Variants in PI4KA observed in about 807,000 individuals in gnomAD.
PI4KA encodes PI4-kinase alpha.
A neutral mutation model predicts 271.4 loss-of-function variants in PI4KA; 122 were observed. That is an observed-to-expected ratio of 0.45 (90% CI 0.39 to 0.52). The LOEUF (loss-of-function observed/expected upper bound fraction) is 0.52. Ranked by LOEUF, PI4KA falls within the 20% of genes least tolerant of loss-of-function variation. PI4KA has a pLI of 0.00. For missense variants in PI4KA, 1,969 were observed against 2,769.1 expected (o/e 0.71, Z 6.48); for synonymous variants, 1,041 against 1,078.8 (o/e 0.96, Z 0.69).
At chr22:20,774,680 A>C (rs1455078963) in intron 19 of PI4KA, among the ~76,000 whole-genome samples, 2 of 151,614 alleles carry the variant, frequency 1.3e-5, no homozygotes, top group Non-Finnish European at 2.9e-5. Context: ...AGAATCGCTT[A>C]AACCCGGGAG....
intron 47 of PI4KA, among the ~76,000 whole-genome samples, 188 bp from the exon 48 acceptor site, chr22:20,713,578 A>C (rs1441489118): frequency 2.0e-5 from 3 of 152,232 alleles, no homozygotes; most frequent in Non-Finnish European, 4.4e-5. Flanking sequence ...CAGCAGGTGG[A>C]ATCCAGGGTT....
rs1327056168 is a variant in PI4KA, at chr22:20,799,234, T to C, written c.1863A>G (p.Gly621=). ...TGTCCCTCAAGGCCACCGCAATGTG[T>C]CCCAAGGCTCGGATTGTGTGGTCGG... ...LIPDHTIRAL[G]HIAVALRDTP... Residue 621 remains glycine, a synonymous_variant, in exon 16 of 55, where the codon GGA becomes GGG. Transcript: ENST00000255882. 2.6e-6 allele frequency: 4 copies of C among 1,551,014 alleles called. No homozygotes were observed. Among genetic ancestry groups the C allele is most frequent in the Non-Finnish European group, 3.5e-6 (4 of 1,149,636 alleles).
intron 19 of PI4KA, chr22:20,779,658 C>G: frequency 6.2e-7 from 1 of 1,614,040 alleles, no homozygotes; most frequent in South Asian, 1.1e-5. Flanking sequence ...CATCCTCCAG[C>G]TTTTTCATGG....
chr22:20,832,939 G>A (rs1488092380), intron 3 of PI4KA, among the ~76,000 whole-genome samples: 1 of 152,216 alleles, frequency 6.6e-6, no homozygotes, highest in Non-Finnish European at 1.5e-5. Context: ...AACTAGTGCA[G>A]TCAACTTAGC....
chr22:20,780,791 A>AC (rs361972), intron 19 of PI4KA, among the ~76,000 whole-genome samples: 3 of 151,120 alleles, frequency 2.0e-5, no homozygotes, highest in Non-Finnish European at 4.4e-5. Context: ...AAAAAAAAAA[A>AC]GAAGTAAAAC....
intron 32 of PI4KA, among the ~76,000 whole-genome samples, chr22:20,739,084 G>A (rs553665437): frequency 8.2e-5 from 12 of 146,244 alleles, no homozygotes; most frequent in Admixed American, 6.8e-4. Context: ...AGTGGCTCAC[G>A]CCTAAAATCC....
intron 23 of PI4KA, among the ~76,000 whole-genome samples, chr22:20,755,818 GAA>G (rs1165775640): frequency 6.8e-6 from 1 of 147,874 alleles, no homozygotes; most frequent in African/African-American, 2.5e-5. Flanking sequence ...AAAAAAAAAA[GAA>G]AAGAAAAAGA....
chr22:20,809,529 T>C (rs1330991407), intron 9 of PI4KA, among the ~76,000 whole-genome samples: 1 of 151,910 alleles, frequency 6.6e-6, no homozygotes, highest in Non-Finnish European at 1.5e-5. Flanking sequence ...CCTGGTTCAA[T>C]GAGAAGGAGG....
In PI4KA at chr22:20,827,787, A is replaced by G. The variant is rs574784225; in HGVS notation, c.368-3373T>C. ...TCACCTCCCTGGTTAGCTGTATTCC[A>G]AGGTATTTTATCTTTTCTTTTTTTT... On this transcript the variant is annotated intron_variant, in intron 3 of 54. Transcript: ENST00000255882. Among the ~76,000 whole-genome samples, 4 of 152,052 alleles carry G rather than the reference A, an allele frequency of 2.6e-5. No individual in the cohort carries two copies. In the East Asian group the frequency reaches 7.7e-4, roughly 29 times the overall value.
At chr22:20,850,529 C>T (rs965271835) in intron 1 of PI4KA, among the ~76,000 whole-genome samples, 32 of 151,954 alleles carry the variant, frequency 2.1e-4, no homozygotes, top group Middle Eastern at 6.8e-3. Flanking sequence ...CTGCAAGCTC[C>T]GCCTCCCAGG....
intron 32 of PI4KA, among the ~76,000 whole-genome samples, chr22:20,735,354 C>T (rs567357578): frequency 1.3e-5 from 2 of 150,254 alleles, no homozygotes; most frequent in South Asian, 2.1e-4. Context: ...GCTCCAAGCG[C>T]CTGTGCAGAG....
chr22:20,818,640 T>C (rs1392718932), intron 6 of PI4KA, 91 bp from the exon 7 acceptor site: 3 of 928,818 alleles, frequency 3.2e-6, no homozygotes, highest in South Asian at 4.0e-5. Flanking sequence ...GCCAGCCCAA[T>C]GTTTGTACTT....
chr22:20,747,360 A>AT lies in PI4KA; in HGVS notation c.3363+222dup, dbSNP rs1248577105. ...AGCACTGATCCCCATAAATCCATAA[A>AT]TTTAAAAAAAAAAAAGCACAATAAG... is the stretch of plus-strand genomic sequence containing the variant. On this transcript the variant is annotated intron_variant, in intron 29 of 54. Transcript: ENST00000255882. 1.2e-3 allele frequency: 533 copies of AT among 446,422 alleles called. 2 individuals are homozygous for AT. Among genetic ancestry groups the AT allele is most frequent in the African/African-American group, 9.9e-3 (487 of 49,362 alleles). 27.7% of individuals were successfully genotyped at this position (446,422 alleles called of 1,614,324 possible).
intron 26 of PI4KA, 67 bp downstream of exon 26, chr22:20,751,607 G>C: frequency 7.6e-7 from 1 of 1,320,738 alleles, no homozygotes; most frequent in Non-Finnish European, 1.1e-6. Flanking sequence ...ACACAGGGCG[G>C]ACAGGGCCGG....
chr22:20,785,636 G>A (rs966770082), intron 19 of PI4KA, among the ~76,000 whole-genome samples: 2 of 151,842 alleles, frequency 1.3e-5, no homozygotes, highest in Non-Finnish European at 1.5e-5. Context: ...CCAGATATTC[G>A]ACTCCTTAAT....
At chr22:20,816,076 A>T (rs895781422) in intron 7 of PI4KA, among the ~76,000 whole-genome samples, 2 of 151,742 alleles carry the variant, frequency 1.3e-5, no homozygotes, top group Non-Finnish European at 2.9e-5. Context: ...AGTAGCTGGG[A>T]TTATAGGTGT....
At chr22:20,798,870 T>G in intron 16 of PI4KA, 183 bp from the exon 17 acceptor site, 1 of 625,058 alleles carries the variant, frequency 1.6e-6, no homozygotes, top group Non-Finnish European at 2.8e-6. Flanking sequence ...GGACATGGCT[T>G]AGATTCAAAT....
At chr22:20,789,055 C>T (rs188108272) in intron 19 of PI4KA, among the ~76,000 whole-genome samples, 8 of 152,156 alleles carry the variant, frequency 5.3e-5, no homozygotes, top group African/African-American at 1.7e-4. Flanking sequence ...TTCATGTACA[C>T]CCACTCAGAA....
At chr22:20,754,912 C>T (rs1017981784) in intron 23 of PI4KA, among the ~76,000 whole-genome samples, 5 of 152,196 alleles carry the variant, frequency 3.3e-5, no homozygotes, top group Non-Finnish European at 5.9e-5. Flanking sequence ...CATGCCACTG[C>T]ACTCCAGCCT....
Sources: allele counts gnomAD v4.1 joint callset (sites outside exome capture counted in the v4.1 genomes callset), GRCh38; gene constraint gnomAD v4.1.1; transcripts MANE v1.5; gene names NCBI Gene and HGNC (gene_info 2026-07-23, HGNC 2026-07-21).